Variants in RAB3GAP2 observed in about 807,000 individuals in gnomAD.
RAB3GAP2 encodes the protein RAB3 GTPase activating non-catalytic protein subunit 2.
RAB3GAP2 carries 87 observed loss-of-function variants against 185.3 expected under a neutral mutation model. The ratio of observed to expected loss-of-function variants is 0.47; its 90% CI spans 0.39 to 0.56. The LOEUF (loss-of-function observed/expected upper bound fraction) is 0.56, where lower values mean the gene tolerates loss of function less well. Ranked by LOEUF, RAB3GAP2 falls within the 20% of genes least tolerant of loss-of-function variation. RAB3GAP2 has a pLI of 0.00. For missense variants in RAB3GAP2, 1,492 were observed against 1,638.2 expected, an observed-to-expected ratio of 0.91 and a Z score of 1.54; for synonymous variants, 554 against 576.1, an observed-to-expected ratio of 0.96 and a Z score of 0.55.
chr1:220,265,189 A>G (rs1260063625), intron 1 of RAB3GAP2, among the ~76,000 whole-genome samples: 1 of 152,126 alleles, frequency 6.6e-6, no homozygotes, highest in African/African-American at 2.4e-5. Context: ...TATAAAAAAT[A>G]GAGTATTTTA....
chr1:220,267,829 GC>G (rs1660256363), intron 1 of RAB3GAP2: 1 of 1,234,050 alleles, frequency 8.1e-7, no homozygotes, highest in African/African-American at 1.5e-5. Context: ...CAAGGAAATT[GC>G]TGAGTCACGA....
intron 8 of RAB3GAP2, among the ~76,000 whole-genome samples, chr1:220,204,500 A>G (rs1259409218): frequency 6.6e-6 from 1 of 152,308 alleles, no homozygotes; most frequent in African/African-American, 2.4e-5. Flanking sequence ...ATTTTTCACC[A>G]AAGTTAAACT....
At chr1:220,202,178 A>AATG in intron 9 of RAB3GAP2, 98 bp downstream of exon 9, 1 of 1,286,622 alleles carries the variant, frequency 7.8e-7, no homozygotes, top group Non-Finnish European at 1.0e-6. Flanking sequence ...AAATAATAAT[A>AATG]ATAAATAAAG....
At chr1:220,229,106 G>A (rs978723378) in intron 2 of RAB3GAP2, among the ~76,000 whole-genome samples, 2 of 152,142 alleles carry the variant, frequency 1.3e-5, no homozygotes, top group African/African-American at 4.8e-5. Flanking sequence ...AAGGAAATGT[G>A]TTAACACTTA....
chr1:220,216,350 A>C (rs2102883581), intron 2 of RAB3GAP2, among the ~76,000 whole-genome samples: 1 of 152,352 alleles, frequency 6.6e-6, no homozygotes, highest in African/African-American at 2.4e-5. Context: ...TTAGAAAATT[A>C]TCCCCCAAAG....
chr1:220,269,717 A>C (rs1660299949), intron 1 of RAB3GAP2, among the ~76,000 whole-genome samples: 1 of 152,144 alleles, frequency 6.6e-6, no homozygotes, highest in African/African-American at 2.4e-5. Flanking sequence ...GTGAGACTTC[A>C]TCTCAAAAAA....
chr1:220,156,288 T>C (rs1199786325), intron 31 of RAB3GAP2, among the ~76,000 whole-genome samples: 2 of 152,166 alleles, frequency 1.3e-5, no homozygotes, highest in African/African-American at 2.4e-5. Flanking sequence ...ATAAACCCAC[T>C]TTCCCACAAG....
At chr1:220,257,220 T>C (rs1383690144) in intron 1 of RAB3GAP2, among the ~76,000 whole-genome samples, 1 of 151,520 alleles carries the variant, frequency 6.6e-6, no homozygotes, top group East Asian at 1.9e-4. Context: ...CTACTAAAAA[T>C]ACAAAAAATT....
chr1:220,256,995 G>C (rs779430954), intron 1 of RAB3GAP2, among the ~76,000 whole-genome samples: 21 of 152,184 alleles, frequency 1.4e-4, no homozygotes, highest in Non-Finnish European at 2.5e-4. Context: ...CACATAATCA[G>C]AAGTAAAACA....
At chr1:220,207,801 G>A (rs1015869496) in intron 7 of RAB3GAP2, 3 of 152,208 alleles carry the variant, frequency 2.0e-5, no homozygotes, top group African/African-American at 4.8e-5. Context: ...TGACAGAGAA[G>A]ATCTTTTTAC....
At chr1:220,181,686 A>G (rs567619802) in intron 21 of RAB3GAP2, among the ~76,000 whole-genome samples, 32 of 152,176 alleles carry the variant, frequency 2.1e-4, no homozygotes, top group Non-Finnish European at 4.1e-4. Flanking sequence ...CTGTAAATGC[A>G]CGCATATAGA....
chr1:220,189,857 A>G, intron 16 of RAB3GAP2, 90 bp from the exon 17 acceptor site: 1 of 1,206,594 alleles, frequency 8.3e-7, no homozygotes, highest in Non-Finnish European at 1.2e-6. Context: ...CTGTACTATC[A>G]GTGAGTCTAA....
At chr1:220,210,750 C>A (rs760118814) in intron 6 of RAB3GAP2, 51 bp downstream of exon 6, 2 of 1,509,234 alleles carry the variant, frequency 1.3e-6, no homozygotes, top group South Asian at 1.2e-5. Flanking sequence ...TGATGCATAA[C>A]CAGATATTGC....
chr1:220,238,525 C>A (rs1271745334), intron 1 of RAB3GAP2, among the ~76,000 whole-genome samples: 1 of 152,154 alleles, frequency 6.6e-6, no homozygotes, highest in African/African-American at 2.4e-5. Context: ...AAAACTGCAC[C>A]TATCTCACAG....
chr1:220,205,234 T>C (rs999793951), intron 8 of RAB3GAP2, among the ~76,000 whole-genome samples: 4 of 152,178 alleles, frequency 2.6e-5, no homozygotes, highest in African/African-American at 9.7e-5. Context: ...ATGTAAACTA[T>C]AGGTAGTAAA....
chr1:220,243,309 G>T (rs917453999), intron 1 of RAB3GAP2, among the ~76,000 whole-genome samples: 1 of 149,694 alleles, frequency 6.7e-6, no homozygotes, highest in South Asian at 2.1e-4. Flanking sequence ...AGCCGAGATC[G>T]TGCCACTGCA....
At chr1:220,218,941 T>C (rs1659251565) in intron 2 of RAB3GAP2, among the ~76,000 whole-genome samples, 1 of 152,066 alleles carries the variant, frequency 6.6e-6, no homozygotes, top group Non-Finnish European at 1.5e-5. Flanking sequence ...TCAGATTCAA[T>C]ACAAGGACAA....
At chr1:220,267,411 C>T in intron 1 of RAB3GAP2, 4 of 1,319,066 alleles carry the variant, frequency 3.0e-6, no homozygotes, top group Non-Finnish European at 3.3e-6. Context: ...CTGCTTTCTC[C>T]AGCTGAGCTT....
At chr1:220,228,331 C>T (rs1240205500) in intron 2 of RAB3GAP2, among the ~76,000 whole-genome samples, 2 of 152,178 alleles carry the variant, frequency 1.3e-5, no homozygotes, top group Non-Finnish European at 2.9e-5. Flanking sequence ...GGTTATAGTT[C>T]TGGAGTTGTT....
Sources: gnomAD v4.1 joint callset for allele counts (sites outside exome capture counted in the v4.1 genomes callset) on GRCh38, gnomAD v4.1.1 for gene constraint, MANE v1.5 for transcripts, NCBI Gene and HGNC (gene_info 2026-07-23, HGNC 2026-07-21) for gene names.